The following AUTS2 variants were observed in gnomAD, a reference collection of about 807,000 sequenced individuals.
AUTS2 encodes the protein autism susceptibility gene 2 protein.
In AUTS2, 17 loss-of-function variants were observed where a neutral mutation model predicts 112.4. The ratio of observed to expected loss-of-function variants is 0.15; its 90% CI spans 0.10 to 0.23. AUTS2 has a LOEUF of 0.23. Among genes scored for constraint, AUTS2 ranks in the 10% least tolerant of loss-of-function variants. The pLI, the probability that AUTS2 is intolerant of heterozygous loss-of-function variation, is 1.00. For missense variants in AUTS2, 1,510 were observed against 1,701.6 expected, an observed-to-expected ratio of 0.89 and a Z score of 1.98; for synonymous variants, 751 against 702.7, an observed-to-expected ratio of 1.07 and a Z score of -1.09.
At chr7:69,775,132 C>A (rs558511362) in intron 1 of AUTS2, among the ~76,000 whole-genome samples, 107 of 152,126 alleles carry the variant, frequency 7.0e-4, no homozygotes, top group Admixed American at 2.3e-3. Flanking sequence ...AATTGTGATG[C>A]TGGGTTATAA....
At chr7:70,441,326 C>T (rs1398161827) in intron 5 of AUTS2, among the ~76,000 whole-genome samples, 2 of 152,198 alleles carry the variant, frequency 1.3e-5, no homozygotes, top group Admixed American at 6.5e-5. Context: ...TGGCTAACTG[C>T]AAATGCAGTA....
intron 5 of AUTS2, among the ~76,000 whole-genome samples, chr7:70,561,903 C>T (rs917557108): frequency 6.6e-6 from 1 of 151,998 alleles, no homozygotes; most frequent in African/African-American, 2.4e-5. Flanking sequence ...CTCCAGTGTT[C>T]GAGGTGGGCG....
At chr7:70,530,847 C>T (rs1021002169) in intron 5 of AUTS2, among the ~76,000 whole-genome samples, 12 of 152,100 alleles carry the variant, frequency 7.9e-5, no homozygotes, top group African/African-American at 2.7e-4. Context: ...CTAGCTCTGC[C>T]CCAACATTCA....
rs188479551 is a variant in AUTS2 at position 69,748,780 on chromosome 7, C to G, written c.309+148818C>G. ...AGGAAAGTGGGTCATCAACAAGAAG[C>G]ATACAGGCTTGTTTTTGGTATCTTT... On this transcript the variant is annotated intron_variant, in intron 1 of 18. Coordinates refer to ENST00000342771, the MANE Select transcript of AUTS2 (RefSeq NM_015570.4). Among the ~76,000 whole-genome samples the G allele has an allele frequency of 3.4e-3, 514 of 152,268 alleles. 3 individuals carry two copies. Among genetic ancestry groups the G allele is most frequent in the Middle Eastern group, 0.02 (6 of 294 alleles).
At chr7:70,514,880 G>A (rs1799352500) in intron 5 of AUTS2, among the ~76,000 whole-genome samples, 3 of 152,070 alleles carry the variant, frequency 2.0e-5, no homozygotes, top group Non-Finnish European at 4.4e-5. Flanking sequence ...CGATCATTTG[G>A]ATTTTCCCAA....
chr7:70,117,645 A>C (rs1317573417), intron 2 of AUTS2, among the ~76,000 whole-genome samples: 1 of 152,114 alleles, frequency 6.6e-6, no homozygotes, highest in South Asian at 2.1e-4. Context: ...TTCATGGTGA[A>C]TATTTTGCTT....
Position 69,872,834 on chromosome 7 carries a change from C to CTTTTTTTTTTTTTTTTTTTTTTTT in AUTS2, c.310-26449_310-26426dup, listed in dbSNP as rs1164356683. On this transcript the variant is annotated intron_variant, in intron 1 of 18. Transcript: ENST00000342771. Reference sequence around the variant, plus strand: ...GGTGGCACTTGATGTAGCCTATATTCTTTTTTTTTTTTTTTTTTTTTTTTT... The same window carrying CTTTTTTTTTTTTTTTTTTTTTTTT: ...GGTGGCACTTGATGTAGCCTATATTCTTTTTTTTTTTTTTTTTTTTTTTTTTTTTTTTTTTTTTTTTTTTTTTTT... 1.1e-4 allele frequency among the ~76,000 whole-genome samples: 8 copies of CTTTTTTTTTTTTTTTTTTTTTTTT among 70,422 alleles called. 3 individuals carry two copies. Among genetic ancestry groups the CTTTTTTTTTTTTTTTTTTTTTTTT allele is most frequent in the African/African-American group, 1.9e-4 (3 of 16,056 alleles). The allele number at this position is 70,422 out of a possible 152,430, so 46.2% of individuals were successfully genotyped here. A position where few individuals can be genotyped will look rare whatever the true frequency, so the allele number is the denominator to read the frequency against.
intron 4 of AUTS2, among the ~76,000 whole-genome samples, chr7:70,415,482 T>C (rs1404798795): frequency 6.6e-6 from 1 of 152,200 alleles, no homozygotes; most frequent in Non-Finnish European, 1.5e-5. Flanking sequence ...AAATTGAAAC[T>C]AGACCATCTG....
chr7:70,124,912 G>C (rs1805882973), intron 3 of AUTS2, among the ~76,000 whole-genome samples: 4 of 152,186 alleles, frequency 2.6e-5, no homozygotes. Flanking sequence ...TAGAGTCAAA[G>C]ATGACTACTG....
chr7:70,191,191 CAG>C (rs954817616), intron 4 of AUTS2, among the ~76,000 whole-genome samples: 17 of 104,110 alleles, frequency 1.6e-4, no homozygotes, highest in South Asian at 3.2e-4. Context: ...TTTTTTGAGA[CAG>C]AGTCTCCTCT....
intron 5 of AUTS2, among the ~76,000 whole-genome samples, chr7:70,635,109 C>T (rs751528773): frequency 6.6e-6 from 1 of 152,062 alleles, no homozygotes; most frequent in Non-Finnish European, 1.5e-5. Context: ...TTCCACTCTG[C>T]GAAAAAATTA....
intron 5 of AUTS2, among the ~76,000 whole-genome samples, chr7:70,514,838 T>G (rs1799350581): frequency 6.6e-6 from 1 of 152,224 alleles, no homozygotes; most frequent in African/African-American, 2.4e-5. Flanking sequence ...TATTCTCCTG[T>G]GTGATAAATA....
intron 5 of AUTS2, among the ~76,000 whole-genome samples, chr7:70,649,375 G>C (rs1010290333): frequency 3.9e-5 from 6 of 152,108 alleles, no homozygotes; most frequent in Non-Finnish European, 8.8e-5. Context: ...ACTCTGGCCT[G>C]GCAGAGTGAG....
intron 2 of AUTS2, among the ~76,000 whole-genome samples, chr7:70,073,876 G>T (rs1267222300): frequency 2.6e-5 from 4 of 152,136 alleles, no homozygotes; most frequent in Non-Finnish European, 1.5e-5. Flanking sequence ...AAATGTGGAA[G>T]TATTGCAAAC....
chr7:70,329,706 T>C (rs966530612), intron 4 of AUTS2, among the ~76,000 whole-genome samples: 3 of 151,430 alleles, frequency 2.0e-5, no homozygotes, highest in Admixed American at 6.6e-5. Flanking sequence ...TTTCACTCTC[T>C]AGGTTGTCTT....
At position 70,565,452 on chromosome 7, in the gene AUTS2, G is replaced by A. The variant is rs113132236; in HGVS notation, c.690+129671G>A. 5.1e-3 allele frequency among the ~76,000 whole-genome samples: 770 copies of A among 152,342 alleles called. 7 individuals are homozygous for A. The highest frequency in any genetic ancestry group is 0.017 in the African/African-American group (721 of 41,586). On this transcript the variant is annotated intron_variant, in intron 5 of 18. Transcript: ENST00000342771. ...TTCATACTTTGGGAGGCCAAGGTGA[G>A]AGGATTGCTTGAGCCTAGGAATTCA...
intron 1 of AUTS2, among the ~76,000 whole-genome samples, chr7:69,681,586 G>T (rs577057291): frequency 1.3e-5 from 2 of 152,276 alleles, no homozygotes; most frequent in South Asian, 4.2e-4. Flanking sequence ...CCTGGGTGTT[G>T]ATAGACTTAG....
intron 1 of AUTS2, among the ~76,000 whole-genome samples, chr7:69,765,608 C>T (rs1028695215): frequency 6.6e-6 from 1 of 152,098 alleles, no homozygotes; most frequent in Admixed American, 6.6e-5. Context: ...TGAGCCACTG[C>T]GTTCAGTCTA....
At chr7:70,546,859 A>G (rs1800809136) in intron 5 of AUTS2, among the ~76,000 whole-genome samples, 1 of 151,988 alleles carries the variant, frequency 6.6e-6, no homozygotes, top group African/African-American at 2.4e-5. Context: ...AAGACGTCTT[A>G]TGTGGGCATT....
Sources: gnomAD v4.1 joint callset for allele counts (sites outside exome capture counted in the v4.1 genomes callset) on GRCh38, gnomAD v4.1.1 for gene constraint, MANE v1.5 for transcripts, NCBI Gene and HGNC (gene_info 2026-07-23, HGNC 2026-07-21) for gene names.